PTCHD4: variants seen among roughly 807,000 people sequenced by gnomAD.
The protein encoded by PTCHD4 is patched domain-containing protein 4.
In PTCHD4, 33 loss-of-function variants were observed where a neutral mutation model predicts 58.1. That is an observed-to-expected ratio of 0.57 (90% confidence interval 0.43 to 0.76). The LOEUF is 0.76. Among genes scored for constraint, PTCHD4 ranks in the 30% least tolerant of loss-of-function variants. The pLI is 0.00. For synonymous variants in PTCHD4, 478 were observed against 409.6 expected (o/e 1.17, Z -2.02); for missense variants, 1,058 against 1,027.1 (o/e 1.03, Z -0.41).
At chr6:48,105,608 A>G (rs1765701207) in intron 1 of PTCHD4, among the ~76,000 whole-genome samples, 2 of 152,182 alleles carry the variant, frequency 1.3e-5, no homozygotes, top group Non-Finnish European at 2.9e-5. Flanking sequence ...TCAGAGCAGA[A>G]CTGAAGGAAA....
intron 4 of PTCHD4, among the ~76,000 whole-genome samples, chr6:47,986,005 A>G (rs1768054105): frequency 6.6e-6 from 1 of 152,036 alleles, no homozygotes; most frequent in African/African-American, 2.4e-5. Context: ...TATTAATACA[A>G]TATCATTACG....
rs548375174 is a variant in PTCHD4, at chr6:47,981,914, T to A, written c.898+26720A>T. Among the ~76,000 whole-genome samples, 3 of 152,190 alleles carry A rather than the reference T, an allele frequency of 2.0e-5. No individual in the cohort carries two copies. In the East Asian group the frequency reaches 5.8e-4, roughly 29 times the overall value. On this transcript the variant is annotated intron_variant, in intron 4 of 4. Transcript: ENST00000339488. ...TTTTTGTGAGGAAAGATTACTCCTGTTTTGCTCAACTTTTCCTAACGTTTT... is the reference window on the plus strand; with the variant it reads ...TTTTTGTGAGGAAAGATTACTCCTGATTTGCTCAACTTTTCCTAACGTTTT...
At chr6:47,994,736 G>A (rs1188570529) in intron 4 of PTCHD4, among the ~76,000 whole-genome samples, 2 of 152,156 alleles carry the variant, frequency 1.3e-5, no homozygotes, top group Non-Finnish European at 2.9e-5. Flanking sequence ...TTCCTTGGAG[G>A]GACTTCTCTG....
At chr6:47,983,975 C>T (rs910951830) in intron 4 of PTCHD4, among the ~76,000 whole-genome samples, 1 of 151,940 alleles carries the variant, frequency 6.6e-6, no homozygotes, top group African/African-American at 2.4e-5. Flanking sequence ...CATTGTAATA[C>T]AGTATATTTA....
At chr6:47,912,923 T>C (rs767668040) in intron 4 of PTCHD4, among the ~76,000 whole-genome samples, 2 of 152,146 alleles carry the variant, frequency 1.3e-5, no homozygotes, top group Non-Finnish European at 2.9e-5. Context: ...CTAGCTTTTC[T>C]ATCTTTCGCC....
At chr6:47,903,347 C>T (rs1322611008) in intron 4 of PTCHD4, among the ~76,000 whole-genome samples, 1 of 151,838 alleles carries the variant, frequency 6.6e-6, no homozygotes, top group Non-Finnish European at 1.5e-5. Context: ...GACAGGATCT[C>T]CCTCTGTCAC....
At chr6:47,916,974 A>T (rs1327345985) in intron 4 of PTCHD4, among the ~76,000 whole-genome samples, 5 of 149,504 alleles carry the variant, frequency 3.3e-5, no homozygotes, top group African/African-American at 1.2e-4. Flanking sequence ...TTGAATTAAA[A>T]TCAAGTTGCT....
chr6:47,941,636 G>T (rs1030617753), intron 4 of PTCHD4, among the ~76,000 whole-genome samples: 5 of 152,108 alleles, frequency 3.3e-5, no homozygotes, highest in Admixed American at 3.3e-4. Flanking sequence ...CTGAGTAGGG[G>T]TTAAGTCAAA....
At chr6:47,915,424 G>A (rs1223161507) in intron 4 of PTCHD4, among the ~76,000 whole-genome samples, 1 of 152,046 alleles carries the variant, frequency 6.6e-6, no homozygotes, top group East Asian at 1.9e-4. Flanking sequence ...GACAATTCCT[G>A]GGTAGAGAGG....
chr6:48,107,212 T>G (rs577359726), intron 1 of PTCHD4, among the ~76,000 whole-genome samples: 3 of 152,238 alleles, frequency 2.0e-5, no homozygotes, highest in Admixed American at 6.5e-5. Flanking sequence ...ACTACAAGGC[T>G]ACAGTAACCA....
chr6:47,990,299 T>G (rs941830839), intron 4 of PTCHD4, among the ~76,000 whole-genome samples: 1 of 152,182 alleles, frequency 6.6e-6, no homozygotes, highest in African/African-American at 2.4e-5. Flanking sequence ...TGAAATGAGT[T>G]AAGACTTTGG....
At position 48,068,889 on chromosome 6, in the gene PTCHD4, G is replaced by C. The variant is rs1764905718; in HGVS notation, c.5+64C>G. 6.6e-6 allele frequency among the ~76,000 whole-genome samples: 1 copy of C among 151,500 alleles called. No homozygotes were observed. The highest frequency in any genetic ancestry group is 2.0e-4 in the East Asian group (1 of 5,068). On this transcript the variant is annotated intron_variant, in intron 2 of 4. Coordinates refer to ENST00000339488, the MANE Select transcript of PTCHD4 (RefSeq NM_001384253.1). This position sits in a 1 kb window ranked among gnomAD's most constrained non-coding sequence, Gnocchi z 4.2. ...GCGCGCGTGGGGGCGGGCGGCGGGC[G>C]CCGCGGGGCCCACCCCCTCCCCGGT...
At chr6:47,959,094 A>G (rs1441299525) in intron 4 of PTCHD4, among the ~76,000 whole-genome samples, 1 of 152,244 alleles carries the variant, frequency 6.6e-6, no homozygotes, top group Non-Finnish European at 1.5e-5. Flanking sequence ...GCAGGAAAAT[A>G]TGATCCATAA....
chr6:48,084,280 T>C (rs1765221574), intron 1 of PTCHD4, among the ~76,000 whole-genome samples: 1 of 152,218 alleles, frequency 6.6e-6, no homozygotes, highest in East Asian at 1.9e-4. Context: ...TCTCTTGATA[T>C]TTGACTTTTA....
chr6:48,033,965 G>A (rs1179077717), intron 3 of PTCHD4, among the ~76,000 whole-genome samples: 1 of 152,022 alleles, frequency 6.6e-6, no homozygotes. Flanking sequence ...TAATTAAATT[G>A]GATGCTGTTT....
chr6:47,930,067 T>C (rs1176500831), intron 4 of PTCHD4, among the ~76,000 whole-genome samples: 1 of 152,226 alleles, frequency 6.6e-6, no homozygotes, highest in African/African-American at 2.4e-5. Flanking sequence ...TTTCATGCCC[T>C]TTGGTTAAAG....
intron 4 of PTCHD4, among the ~76,000 whole-genome samples, chr6:47,951,854 A>G (rs1288409038): frequency 6.6e-6 from 1 of 152,126 alleles, no homozygotes; most frequent in Admixed American, 6.6e-5. Flanking sequence ...AAGATAGAAA[A>G]GAAAAAAAAA....
intron 1 of PTCHD4, among the ~76,000 whole-genome samples, chr6:48,070,309 A>G (rs2113883456): frequency 6.6e-6 from 1 of 152,286 alleles, no homozygotes; most frequent in South Asian, 2.1e-4. Context: ...TAACAGTGAA[A>G]GTGCCCATTT....
intron 4 of PTCHD4, among the ~76,000 whole-genome samples, chr6:48,000,355 T>C (rs1768674925): frequency 6.6e-6 from 1 of 152,194 alleles, no homozygotes; most frequent in South Asian, 2.1e-4. Flanking sequence ...CCTCATTTTT[T>C]GTTTTCTGAT....
Sources: allele counts gnomAD v4.1 joint callset (sites outside exome capture counted in the v4.1 genomes callset), GRCh38; gene constraint gnomAD v4.1.1; non-coding constraint Gnocchi (gnomAD v3.1); transcripts MANE v1.5; gene names NCBI Gene and HGNC (gene_info 2026-07-23, HGNC 2026-07-21).